Variants in HS3ST4 observed in about 807,000 individuals in gnomAD.
HS3ST4 encodes heparan sulfate-glucosamine 3-sulfotransferase 4, also known as heparan sulfate glucosamine 3-O-sulfotransferase 4.
A neutral mutation model predicts 29.2 loss-of-function variants in HS3ST4; 17 were observed. The observed-to-expected ratio is 0.58, with a 90% CI of 0.40 to 0.87. The LOEUF (loss-of-function observed/expected upper bound fraction) is 0.87. Among genes scored for constraint, HS3ST4 ranks in the 40% least tolerant of loss-of-function variants. The probability of loss-of-function intolerance (pLI) is 0.00; values close to 1 mark genes in which losing one functional copy is unlikely to be tolerated. For synonymous variants in HS3ST4, 314 were observed against 285.7 expected (o/e 1.10, Z -1.00); for missense variants, 627 against 634.5 (o/e 0.99, Z 0.13).
intron 1 of HS3ST4, among the ~76,000 whole-genome samples, chr16:25,782,903 T>A (rs761478956): frequency 1.1e-4 from 16 of 152,350 alleles, no homozygotes; most frequent in Non-Finnish European, 1.6e-4. Flanking sequence ...ATCCTTTTCA[T>A]AGATTTTAGT....
chr16:25,984,805 C>T (rs544860127), intron 1 of HS3ST4, among the ~76,000 whole-genome samples: 3 of 152,304 alleles, frequency 2.0e-5, no homozygotes, highest in Middle Eastern at 3.4e-3. Context: ...TTGACCCATT[C>T]ATCTATTCTC....
intron 1 of HS3ST4, among the ~76,000 whole-genome samples, chr16:25,781,158 A>G (rs1966852252): frequency 6.6e-6 from 1 of 152,204 alleles, no homozygotes; most frequent in Non-Finnish European, 1.5e-5. Flanking sequence ...TGTCCTCTCC[A>G]GGATTGAAGC....
intron 1 of HS3ST4, among the ~76,000 whole-genome samples, chr16:25,716,365 T>C (rs184801295): frequency 1.3e-5 from 2 of 152,292 alleles, no homozygotes; most frequent in Admixed American, 6.5e-5. Flanking sequence ...TGAGGTTAAG[T>C]TTGGACCAAT....
chr16:25,711,647 T>TAGA (rs1966416378), intron 1 of HS3ST4, among the ~76,000 whole-genome samples: 1 of 152,148 alleles, frequency 6.6e-6, no homozygotes, highest in South Asian at 2.1e-4. Context: ...TTCTCATGAG[T>TAGA]AGAACTTAGC....
At chr16:25,887,970 T>TATAGGCATGAG (rs1332449568) in intron 1 of HS3ST4, among the ~76,000 whole-genome samples, 3 of 152,118 alleles carry the variant, frequency 2.0e-5, no homozygotes, top group Non-Finnish European at 2.9e-5. Context: ...TTGTTGGGAT[T>TATAGGCATGAG]ATAGGCATGA....
rs537119845 is a variant in HS3ST4, at chr16:26,088,786, C to T, written c.735-46826C>T. On this transcript the variant is annotated intron_variant, in intron 1 of 1. Coordinates refer to ENST00000331351, the MANE Select transcript of HS3ST4 (RefSeq NM_006040.3). The stretch of plus-strand genomic sequence containing the variant: ...TCTTACCAAGTATGCTGCATCTCCT[C>T]CAGTTAGCGATCATGAGGTCCTCCT... Among the ~76,000 whole-genome samples the T allele has an allele frequency of 3.3e-5, 5 of 152,290 alleles. No individual in the cohort carries two copies. In the South Asian group the frequency reaches 8.3e-4, roughly 25 times the overall value.
intron 1 of HS3ST4, among the ~76,000 whole-genome samples, chr16:25,862,874 C>T (rs1967653039): frequency 1.3e-5 from 2 of 152,134 alleles, no homozygotes; most frequent in African/African-American, 4.8e-5. Flanking sequence ...CAAAGTGTTT[C>T]CCCCAGTTTT....
At chr16:26,046,152 T>C (rs1159010254) in intron 1 of HS3ST4, among the ~76,000 whole-genome samples, 1 of 148,762 alleles carries the variant, frequency 6.7e-6, no homozygotes, top group African/African-American at 2.5e-5. Context: ...GAAATTTTTT[T>C]TTTTTTTTTT....
At chr16:25,736,274 C>CT (rs1567229846) in intron 1 of HS3ST4, among the ~76,000 whole-genome samples, 1 of 152,214 alleles carries the variant, frequency 6.6e-6, no homozygotes, top group African/African-American at 2.4e-5. Flanking sequence ...CATCATGTCT[C>CT]TGCAGTGTGG....
At chr16:26,019,145 C>G (rs1464054191) in intron 1 of HS3ST4, among the ~76,000 whole-genome samples, 2 of 152,082 alleles carry the variant, frequency 1.3e-5, no homozygotes, top group Non-Finnish European at 2.9e-5. Context: ...CTCTCATCTG[C>G]TACCCCCCGA....
At chr16:25,791,863 T>G (rs1966869918) in intron 1 of HS3ST4, among the ~76,000 whole-genome samples, 1 of 152,032 alleles carries the variant, frequency 6.6e-6, no homozygotes, top group Non-Finnish European at 1.5e-5. Context: ...TTATTTCATT[T>G]TCTTGTCTTA....
chr16:25,974,096 C>T (rs1032269799), intron 1 of HS3ST4, among the ~76,000 whole-genome samples: 1 of 152,226 alleles, frequency 6.6e-6, no homozygotes, highest in Non-Finnish European at 1.5e-5. Flanking sequence ...ACGCTTCTTA[C>T]ACGATTGAAA....
chr16:26,008,334 A>G (rs934096714), intron 1 of HS3ST4, among the ~76,000 whole-genome samples: 19 of 152,152 alleles, frequency 1.2e-4, no homozygotes, highest in Non-Finnish European at 1.5e-5. Context: ...TTACTTCATT[A>G]TGTCTGTTTA....
chr16:25,753,154 C>A (rs1966732745), intron 1 of HS3ST4, among the ~76,000 whole-genome samples: 1 of 152,208 alleles, frequency 6.6e-6, no homozygotes. Flanking sequence ...TGGGTTGCTT[C>A]TGATGAGAAT....
intron 1 of HS3ST4, among the ~76,000 whole-genome samples, chr16:26,012,903 G>A (rs187817665): frequency 1.5e-4 from 23 of 152,276 alleles, no homozygotes; most frequent in African/African-American, 5.3e-4. Context: ...AGTGGCTCAC[G>A]CCTGTAATCC....
At chr16:25,998,000 C>T (rs1969171947) in intron 1 of HS3ST4, among the ~76,000 whole-genome samples, 1 of 152,122 alleles carries the variant, frequency 6.6e-6, no homozygotes. Flanking sequence ...TGTTGTGATG[C>T]CGATGAGGGT....
At chr16:26,040,881 A>C (rs992584024) in intron 1 of HS3ST4, among the ~76,000 whole-genome samples, 1 of 152,108 alleles carries the variant, frequency 6.6e-6, no homozygotes, top group East Asian at 1.9e-4. Flanking sequence ...TACCTCACCC[A>C]ACATGGTCAC....
chr16:25,870,822 A>G (rs1168730439), intron 1 of HS3ST4, among the ~76,000 whole-genome samples: 3 of 152,148 alleles, frequency 2.0e-5, no homozygotes, highest in Admixed American at 6.6e-5. Flanking sequence ...CCAAGATGGT[A>G]GTGGTGTAGG....
intron 1 of HS3ST4, among the ~76,000 whole-genome samples, chr16:25,991,917 A>T (rs1383884292): frequency 1.4e-5 from 2 of 146,082 alleles, no homozygotes; most frequent in African/African-American, 5.0e-5. Flanking sequence ...GCTACTCGGG[A>T]GGCTGAGGCA....
Sources: gnomAD v4.1 joint callset for allele counts (sites outside exome capture counted in the v4.1 genomes callset) on GRCh38, gnomAD v4.1.1 for gene constraint, MANE v1.5 for transcripts, NCBI Gene and HGNC (gene_info 2026-07-23, HGNC 2026-07-21) for gene names.